The following ZNF536 variants were observed in gnomAD, a reference collection of about 807,000 sequenced individuals.
The protein encoded by ZNF536 is zinc finger protein 536.
ZNF536 carries 13 observed loss-of-function variants against 84.5 expected under a neutral mutation model. That is an observed-to-expected ratio of 0.15 (90% CI 0.10 to 0.24). ZNF536 has a LOEUF of 0.24. Ranked by LOEUF, ZNF536 falls within the 10% of genes least tolerant of loss-of-function variation. The pLI is 1.00. For synonymous variants in ZNF536, 811 were observed against 742.5 expected, an observed-to-expected ratio of 1.09 and a Z score of -1.50; for missense variants, 1,536 against 1,747.5, an observed-to-expected ratio of 0.88 and a Z score of 2.16.
At chr19:30,632,478 C>A (rs528851303) in intron 1 of ZNF536, among the ~76,000 whole-genome samples, 1 of 152,052 alleles carries the variant, frequency 6.6e-6, no homozygotes, top group Admixed American at 6.6e-5. Flanking sequence ...TGGTGGCAGG[C>A]GCCTGTAATC....
intron 2 of ZNF536, among the ~76,000 whole-genome samples, chr19:30,456,181 C>T (rs2052830869): frequency 6.6e-6 from 1 of 152,042 alleles, no homozygotes; most frequent in Admixed American, 6.6e-5. Flanking sequence ...TTTTTTTTCC[C>T]CAAGCTTTAC....
In ZNF536 at chr19:30,363,234, G is replaced by A. The variant is rs764591917; in HGVS notation, c.-3+10750G>A. Among the ~76,000 whole-genome samples, 25 of 152,108 alleles carry A rather than the reference G, an allele frequency of 1.6e-4. 1 individual carries two copies. Among genetic ancestry groups the A allele is most frequent in the African/African-American group, 4.8e-4 (20 of 41,424 alleles). On this transcript the variant is annotated intron_variant, in intron 3 of 5. Transcript: ENST00000585628. ...GACCTATTCCCCACCTGCCCAGAGC[G>A]CTGCAATCCAGATCTTCTGTGCACC...
At position 30,444,888 on chromosome 19, in the gene ZNF536, C is replaced by G. The variant is rs1463752603; in HGVS notation, c.1326C>G (p.Asp442Glu). The change falls in exon 2 of 5, where the codon GAC becomes GAG. Residue 442 changes from aspartate to glutamate, a missense_variant. Physicochemically the swap from Asp to Glu is conservative, Grantham distance 45. Coordinates refer to ENST00000355537, the MANE Select transcript of ZNF536 (RefSeq NM_014717.3). The stretch of plus-strand genomic sequence containing the variant: ...TGCAGAGTGGCTTCATGACCCCGGA[C>G]AAAGCCGGCCTGAGCGAGCCCAGCC... ...SCLQSGFMTP[D>E]KAGLSEPSQL... The G allele has an allele frequency of 6.2e-7, 1 of 1,611,780 alleles. No individual in the cohort carries two copies. Among genetic ancestry groups the G allele is most frequent in the Admixed American group, 1.7e-5 (1 of 59,908 alleles).
rs541086793 is a variant in ZNF536, at chr19:30,638,363, G to C, written c.170-72394G>C. On this transcript the variant is annotated intron_variant, in intron 1 of 1. Coordinates refer to the ZNF536 transcript ENST00000592773. ...GTTTGAATTGGCTCACAGTCCTGTA[G>C]GCTGTACAGGAAGCATGATGTTGCA... Among the ~76,000 whole-genome samples the C allele has an allele frequency of 2.0e-5, 3 of 152,300 alleles. No homozygotes were observed. The South Asian group carries it at 6.2e-4, about 32-fold the overall frequency.
intron 1 of ZNF536, among the ~76,000 whole-genome samples, chr19:30,283,507 C>A (rs370747093): frequency 6.6e-6 from 1 of 152,184 alleles, no homozygotes; most frequent in Admixed American, 6.5e-5. Context: ...GGTCTGGGTT[C>A]GGGAGAGAGG....
At chr19:30,446,373 C>A (rs906909417) in intron 2 of ZNF536, among the ~76,000 whole-genome samples, 1 of 151,792 alleles carries the variant, frequency 6.6e-6, no homozygotes, top group African/African-American at 2.4e-5. Flanking sequence ...AATTGTCCAA[C>A]CCCATTTCAC....
At position 30,685,941 on chromosome 19, in the gene ZNF536, T is replaced by A. The variant is rs1487758706; in HGVS notation, c.170-24816T>A. 2.6e-5 allele frequency among the ~76,000 whole-genome samples: 4 copies of A among 152,180 alleles called. 1 individual carries two copies. Among genetic ancestry groups the A allele is most frequent in the Non-Finnish European group, 4.4e-5 (3 of 68,032 alleles). ...GGCCATCTGTATCTCTGCAAAGAAATAATGGAGCAAGGTAGAAAATGTCTG... is the reference window on the plus strand; with the variant it reads ...GGCCATCTGTATCTCTGCAAAGAAAAAATGGAGCAAGGTAGAAAATGTCTG... On this transcript the variant is annotated intron_variant, in intron 1 of 1. Transcript: ENST00000592773.
At chr19:30,321,678 A>T (rs1183744327) in intron 2 of ZNF536, among the ~76,000 whole-genome samples, 1 of 151,712 alleles carries the variant, frequency 6.6e-6, no homozygotes, top group Non-Finnish European at 1.5e-5. Flanking sequence ...ACCAGATGCT[A>T]ACCTCTAGGT....
chr19:30,461,917 A>C (rs1479569719), intron 2 of ZNF536, among the ~76,000 whole-genome samples: 1 of 152,218 alleles, frequency 6.6e-6, no homozygotes, highest in Non-Finnish European at 1.5e-5. Context: ...ACCATCCGGA[A>C]GTCAGCTCTC....
chr19:30,655,991 A>G lies in ZNF536; in HGVS notation c.170-54766A>G, dbSNP rs146698326. The stretch of plus-strand genomic sequence containing the variant: ...GAGTTTGAGGCTGCAGTGAGCTGGG[A>G]TTGCACCATTGCACTCCAGCCTTGG... On this transcript the variant is annotated intron_variant, in intron 1 of 1. Coordinates refer to the ZNF536 transcript ENST00000592773. Among the ~76,000 whole-genome samples the G allele has an allele frequency of 1.3e-3, 192 of 152,072 alleles. 1 individual carries two copies. Among genetic ancestry groups the G allele is most frequent in the African/African-American group, 4.2e-3 (175 of 41,464 alleles).
intron 3 of ZNF536, among the ~76,000 whole-genome samples, chr19:30,543,694 C>T (rs1217576130): frequency 2.0e-5 from 3 of 152,196 alleles, no homozygotes; most frequent in South Asian, 2.1e-4. Context: ...AGATGTAGAC[C>T]GCACCCCGGA....
At position 30,549,431 on chromosome 19, in the gene ZNF536, A is replaced by T. The variant is rs113382608; in HGVS notation, c.3812A>T (p.Tyr1271Phe). The T allele has an allele frequency of 6.4e-7, 1 of 1,569,192 alleles. No individual in the cohort carries two copies. The highest frequency in any genetic ancestry group is 1.2e-5 in the South Asian group (1 of 83,296). ...AACATGCTGTCGGTCCTCAGGGCCTACAGTTCTGATGGCTTAGCAGCCTTT... is the reference window on the plus strand; with the variant it reads ...AACATGCTGTCGGTCCTCAGGGCCTTCAGTTCTGATGGCTTAGCAGCCTTT... ...PMNMLSVLRA[Y>F]SSDGLAAFNG... The change falls in exon 4 of 5, where the codon TAC becomes TTC. Residue 1271 changes from tyrosine to phenylalanine, a missense_variant. By Grantham distance (22) the Tyr-to-Phe change is conservative (BLOSUM62 3). Around this residue, in one of 8 missense-constraint regions of ZNF536, gnomAD observed 624 missense variants for 603.1 expected, o/e 1.03. Coordinates refer to ENST00000355537, the MANE Select transcript of ZNF536 (RefSeq NM_014717.3).
At chr19:30,560,542 A>T (rs533719719), downstream of ZNF536, among the ~76,000 whole-genome samples, 33 of 152,008 alleles carry the variant, frequency 2.2e-4, no homozygotes, top group Non-Finnish European at 4.4e-4. Context: ...TGAGACCTGG[A>T]CCCTTCCTAA....
chr19:30,417,148 A>AATTTTTT (rs1454725313), intron 1 of ZNF536, among the ~76,000 whole-genome samples: 2 of 100,266 alleles, frequency 2.0e-5, no homozygotes, highest in African/African-American at 8.2e-5. Context: ...TAATTTTTGT[A>AATTTTTT]TTTTTTTTTT....
At chr19:30,527,669 C>T (rs1389091160) in intron 2 of ZNF536, among the ~76,000 whole-genome samples, 1 of 151,010 alleles carries the variant, frequency 6.6e-6, no homozygotes, top group Non-Finnish European at 1.5e-5. Context: ...GAATTGTTTA[C>T]AGTAATGTTA....
At chr19:30,251,848 C>G (rs2024628069) in intron 1 of ZNF536, among the ~76,000 whole-genome samples, 1 of 152,186 alleles carries the variant, frequency 6.6e-6, no homozygotes, top group African/African-American at 2.4e-5. Flanking sequence ...TTTTCCATTC[C>G]TGAGTTACTT....
Position 30,443,646 on chromosome 19 carries a change from C to A in ZNF536, c.84C>A (p.Gly28=), listed in dbSNP as rs2052170594. 1 of 1,613,174 alleles carries A rather than the reference C, an allele frequency of 6.2e-7. No individual in the cohort carries two copies. The highest frequency in any genetic ancestry group is 1.7e-5 in the Admixed American group (1 of 59,896). ...ACCTGAGTGGCCCCGTCCTCAACGG[C>A]CAGTATGCCATGAGTCAGAAGCTGC... is the stretch of plus-strand genomic sequence containing the variant. ...EPHLSGPVLN[G]QYAMSQKLHQ... The change falls in exon 2 of 5, where the codon GGC becomes GGA. Residue 28 remains glycine, a synonymous_variant. Transcript: ENST00000355537.
intron 2 of ZNF536, among the ~76,000 whole-genome samples, chr19:30,452,416 C>G (rs1568446189): frequency 6.6e-6 from 1 of 152,238 alleles, no homozygotes; most frequent in African/African-American, 2.4e-5. Context: ...CAGTGCATTT[C>G]CCACGTCTGC....
chr19:30,659,764 C>A (rs776783908), intron 1 of ZNF536, among the ~76,000 whole-genome samples: 1 of 150,814 alleles, frequency 6.6e-6, no homozygotes, highest in Non-Finnish European at 1.5e-5. Context: ...CAGATTATTA[C>A]AATTTGAGGT....
Sources: gnomAD v4.1 joint callset for allele counts (sites outside exome capture counted in the v4.1 genomes callset) on GRCh38, gnomAD v4.1.1 for gene constraint, gnomAD v4.1.1 regional missense constraint, MANE v1.5 for transcripts, NCBI Gene and HGNC (gene_info 2026-07-23, HGNC 2026-07-21) for gene names.